TMEM132D: variants seen among roughly 807,000 people sequenced by gnomAD.
TMEM132D encodes the protein mature OL transmembrane protein.
Under a neutral mutation model 62.3 loss-of-function variants are expected in TMEM132D, and 21 were observed. The ratio of observed to expected loss-of-function variants is 0.34; its 90% CI spans 0.24 to 0.49. The LOEUF is 0.49. Ranked by LOEUF, TMEM132D falls within the 20% of genes least tolerant of loss-of-function variation. The pLI is 0.99. For missense variants in TMEM132D, 1,346 were observed against 1,402.8 expected, an observed-to-expected ratio of 0.96 and a Z score of 0.65; for synonymous variants, 621 against 575.6, an observed-to-expected ratio of 1.08 and a Z score of -1.13.
At chr12:129,161,717 C>T (rs112476974) in intron 5 of TMEM132D, among the ~76,000 whole-genome samples, 1,796 of 152,266 alleles carry the variant, frequency 0.012, 41 homozygotes, top group African/African-American at 0.041. Context: ...TAGCCACAGG[C>T]CCCCTGGAGG....
intron 3 of TMEM132D, among the ~76,000 whole-genome samples, chr12:129,474,013 C>T (rs544854304): frequency 6.6e-6 from 1 of 152,302 alleles, no homozygotes; most frequent in South Asian, 2.1e-4. Context: ...AACGGCATGG[C>T]TTGGGCTTTT....
chr12:129,482,243 A>G (rs1874450204), intron 3 of TMEM132D, among the ~76,000 whole-genome samples: 1 of 152,238 alleles, frequency 6.6e-6, no homozygotes, highest in Non-Finnish European at 1.5e-5. Flanking sequence ...GTAGCGTGGC[A>G]AAACACTGGA....
At chr12:129,087,887 ACCGGGGTGTCCTCCC>A (rs1874677939) in intron 5 of TMEM132D, among the ~76,000 whole-genome samples, 2 of 128,358 alleles carry the variant, frequency 1.6e-5, no homozygotes, top group African/African-American at 6.4e-5. Context: ...GTCCTCCCTG[ACCGGGGTGTCCTCCC>A]TGACCGGGGT....
At chr12:129,417,539 C>A (rs1872163122) in intron 3 of TMEM132D, among the ~76,000 whole-genome samples, 1 of 152,118 alleles carries the variant, frequency 6.6e-6, no homozygotes, top group East Asian at 1.9e-4. Flanking sequence ...ACACCTTATA[C>A]AAAAATTAAT....
chr12:129,246,927 G>T (rs1295442147), intron 4 of TMEM132D, among the ~76,000 whole-genome samples: 1 of 152,076 alleles, frequency 6.6e-6, no homozygotes, highest in Non-Finnish European at 1.5e-5. Context: ...TGGAAATGAA[G>T]GGCCTTTTTA....
chr12:129,224,595 T>C (rs1337802095), intron 4 of TMEM132D, among the ~76,000 whole-genome samples: 1 of 152,188 alleles, frequency 6.6e-6, no homozygotes, highest in South Asian at 2.1e-4. Context: ...ATTGTACTAG[T>C]GGAGCTTGCT....
intron 2 of TMEM132D, among the ~76,000 whole-genome samples, chr12:129,551,019 G>A (rs1876879339): frequency 6.6e-6 from 1 of 152,176 alleles, no homozygotes; most frequent in African/African-American, 2.4e-5. Flanking sequence ...TTGTGAGGAA[G>A]CCCCACCACA....
At chr12:129,685,735 T>C (rs757348740) in intron 2 of TMEM132D, among the ~76,000 whole-genome samples, 6 of 152,012 alleles carry the variant, frequency 3.9e-5, no homozygotes, top group Non-Finnish European at 7.4e-5. Context: ...GCAGACACAA[T>C]GCCAGCCCAT....
Position 129,220,891 on chromosome 12 carries a change from G to GAA in TMEM132D, c.1300-11230_1300-11229dup, listed in dbSNP as rs11385517. Among the ~76,000 whole-genome samples, 511 of 139,002 alleles carry GAA rather than the reference G, an allele frequency of 3.7e-3. 3 individuals are homozygous for GAA. The highest frequency in any genetic ancestry group is 0.011 in the African/African-American group (438 of 38,810). 91.2% of individuals were successfully genotyped at this position (139,002 alleles called of 152,430 possible). A position where few individuals can be genotyped will look rare whatever the true frequency, so the allele number is the denominator to read the frequency against. ...ATATTCAGGCGTAATATTTAAAAAT[G>GAA]AAAAAAAAAAAAAGCCCAACAACCA... is the stretch of plus-strand genomic sequence containing the variant. On this transcript the variant is annotated intron_variant, in intron 4 of 8. Coordinates refer to ENST00000422113, the MANE Select transcript of TMEM132D (RefSeq NM_133448.3).
intron 5 of TMEM132D, among the ~76,000 whole-genome samples, chr12:129,142,345 G>T (rs1876769951): frequency 6.6e-6 from 1 of 152,066 alleles, no homozygotes; most frequent in South Asian, 2.1e-4. Context: ...ATCCCCCAAA[G>T]AAATAAAAAC....
intron 2 of TMEM132D, among the ~76,000 whole-genome samples, chr12:129,581,070 G>A (rs1304239554): frequency 1.3e-5 from 2 of 152,172 alleles, no homozygotes; most frequent in South Asian, 2.1e-4. Context: ...GGGTCATGGT[G>A]GCTTGGTGTC....
chr12:129,559,387 G>C (rs1490803070), intron 2 of TMEM132D, among the ~76,000 whole-genome samples: 1 of 152,188 alleles, frequency 6.6e-6, no homozygotes, highest in Admixed American at 6.5e-5. Context: ...CCCAATTTAA[G>C]ACCTCTGCAA....
chr12:129,454,597 G>T (rs1022537245), intron 3 of TMEM132D, among the ~76,000 whole-genome samples: 1 of 152,146 alleles, frequency 6.6e-6, no homozygotes, highest in Non-Finnish European at 1.5e-5. Context: ...AAACCAAATG[G>T]CCCTTGAGTT....
intron 3 of TMEM132D, among the ~76,000 whole-genome samples, chr12:129,383,143 C>T (rs550307070): frequency 7.2e-5 from 11 of 152,306 alleles, no homozygotes; most frequent in South Asian, 6.2e-4. Context: ...CCATCTGAGC[C>T]GCCCACTGTC....
chr12:129,684,495 G>A (rs1365020951), intron 2 of TMEM132D, among the ~76,000 whole-genome samples: 1 of 152,058 alleles, frequency 6.6e-6, no homozygotes, highest in East Asian at 1.9e-4. Context: ...CCTGTCTCAG[G>A]TAGTTCTTTA....
At chr12:129,390,121 G>A (rs1871253543) in intron 3 of TMEM132D, among the ~76,000 whole-genome samples, 1 of 152,232 alleles carries the variant, frequency 6.6e-6, no homozygotes, top group Non-Finnish European at 1.5e-5. Context: ...AGTGCTCCTG[G>A]AAGCTCCTTA....
intron 3 of TMEM132D, among the ~76,000 whole-genome samples, chr12:129,507,410 T>C (rs1875366655): frequency 6.6e-6 from 1 of 152,178 alleles, no homozygotes. Context: ...TACTTGCACG[T>C]GCATGTTTAT....
At chr12:129,815,263 G>T (rs1190152272) in intron 1 of TMEM132D, among the ~76,000 whole-genome samples, 1 of 152,086 alleles carries the variant, frequency 6.6e-6, no homozygotes, top group East Asian at 1.9e-4. Context: ...AAAATCCACA[G>T]AAAAAAATCC....
chr12:129,864,469 C>G (rs1231264603), intron 1 of TMEM132D, among the ~76,000 whole-genome samples: 1 of 152,188 alleles, frequency 6.6e-6, no homozygotes, highest in Admixed American at 6.5e-5. Flanking sequence ...ACAGGCAGAC[C>G]CATAAGACTC....
Sources: allele counts gnomAD v4.1 joint callset (sites outside exome capture counted in the v4.1 genomes callset), GRCh38; gene constraint gnomAD v4.1.1; transcripts MANE v1.5; gene names NCBI Gene and HGNC (gene_info 2026-07-23, HGNC 2026-07-21).